Variants in FGF14 observed in about 807,000 individuals in gnomAD.
FGF14 encodes the protein fibroblast growth factor homologous factor 4.
In FGF14, 5 loss-of-function variants were observed where a neutral mutation model predicts 25.5. That is an observed-to-expected ratio of 0.20 (90% CI 0.10 to 0.41). FGF14 has a LOEUF of 0.41. Among genes scored for constraint, FGF14 ranks in the 10% least tolerant of loss-of-function variants. The pLI, the probability that FGF14 is intolerant of heterozygous loss-of-function variation, is 1.00. For synonymous variants in FGF14, 138 were observed against 118.3 expected (o/e 1.17, Z -1.08); for missense variants, 222 against 320.1 (o/e 0.69, Z 2.34).
At chr13:101,889,259 C>T (rs1353537458) in intron 1 of FGF14, among the ~76,000 whole-genome samples, 2 of 152,140 alleles carry the variant, frequency 1.3e-5, no homozygotes, top group African/African-American at 4.8e-5. Context: ...GTTCAACTGC[C>T]ACGTTCACCG....
intron 1 of FGF14, among the ~76,000 whole-genome samples, chr13:102,315,744 A>T (rs759751778): frequency 6.6e-6 from 1 of 152,196 alleles, no homozygotes; most frequent in Non-Finnish European, 1.5e-5. Flanking sequence ...TGTGTACCTT[A>T]GGGAGAACCC....
chr13:101,900,830 T>A (rs1456054809), intron 1 of FGF14, among the ~76,000 whole-genome samples: 2 of 152,300 alleles, frequency 1.3e-5, no homozygotes, highest in Non-Finnish European at 2.9e-5. Context: ...GCATGTTATA[T>A]CTCAATAATA....
chr13:102,112,311 G>C (rs1031540109), intron 1 of FGF14, among the ~76,000 whole-genome samples: 3 of 152,136 alleles, frequency 2.0e-5, no homozygotes, highest in African/African-American at 7.2e-5. Context: ...ATGAATCTAC[G>C]CAGGTGGGGC....
At chr13:101,769,992 A>G (rs955627982) in intron 3 of FGF14, among the ~76,000 whole-genome samples, 1 of 152,114 alleles carries the variant, frequency 6.6e-6, no homozygotes, top group Non-Finnish European at 1.5e-5. Flanking sequence ...AGGTTCATCA[A>G]TTGTCACAAA....
chr13:101,915,810 C>G (rs149690391), intron 1 of FGF14, among the ~76,000 whole-genome samples: 12 of 152,316 alleles, frequency 7.9e-5, no homozygotes, highest in Non-Finnish European at 1.8e-4. Flanking sequence ...CTTTAGACTC[C>G]CTGAGCCTCT....
intron 1 of FGF14, among the ~76,000 whole-genome samples, chr13:102,090,786 C>G (rs2044129622): frequency 6.6e-6 from 1 of 152,202 alleles, no homozygotes; most frequent in Non-Finnish European, 1.5e-5. Context: ...GAGATGCCTT[C>G]CTCAATGAAG....
At chr13:102,189,092 G>A (rs2049022652) in intron 1 of FGF14, among the ~76,000 whole-genome samples, 1 of 150,764 alleles carries the variant, frequency 6.6e-6, no homozygotes, top group Admixed American at 6.6e-5. Context: ...GAGAAAGAGA[G>A]AAAGGAGGGA....
At chr13:102,281,114 G>C (rs1200359404) in intron 1 of FGF14, among the ~76,000 whole-genome samples, 1 of 151,984 alleles carries the variant, frequency 6.6e-6, no homozygotes, top group Non-Finnish European at 1.5e-5. Flanking sequence ...TTTTCACAAG[G>C]CCAAACATAA....
At chr13:101,874,685 T>G (rs2045297265) in intron 2 of FGF14, among the ~76,000 whole-genome samples, 1 of 152,144 alleles carries the variant, frequency 6.6e-6, no homozygotes, top group South Asian at 2.1e-4. Context: ...ACACAACCTT[T>G]ATGTTTTTTT....
chr13:102,142,355 C>T (rs968026217), intron 1 of FGF14, among the ~76,000 whole-genome samples: 1 of 151,760 alleles, frequency 6.6e-6, no homozygotes, highest in African/African-American at 2.4e-5. Flanking sequence ...GAGTCATGCT[C>T]GCAGAATACC....
At chr13:102,053,739 T>TA (rs1225978254) in intron 1 of FGF14, among the ~76,000 whole-genome samples, 1 of 152,114 alleles carries the variant, frequency 6.6e-6, no homozygotes, top group African/African-American at 2.4e-5. Context: ...CCAGAGAAGT[T>TA]AATAAACACA....
intron 1 of FGF14, among the ~76,000 whole-genome samples, chr13:102,137,521 C>T (rs1384348915): frequency 3.9e-5 from 6 of 152,064 alleles, no homozygotes; most frequent in African/African-American, 1.4e-4. Context: ...ATGAGGAATC[C>T]CTACAAAGAA....
At chr13:101,987,226 G>A (rs2139649607) in intron 1 of FGF14, among the ~76,000 whole-genome samples, 1 of 151,774 alleles carries the variant, frequency 6.6e-6, no homozygotes, top group East Asian at 1.9e-4. Flanking sequence ...CCCACTCCAG[G>A]AAAAAAAGGT....
intron 1 of FGF14, among the ~76,000 whole-genome samples, chr13:102,363,543 C>T (rs370486437): frequency 9.8e-5 from 15 of 152,288 alleles, no homozygotes; most frequent in African/African-American, 3.6e-4. Context: ...CTATGTGTTC[C>T]AGTACACCAC....
chr13:102,125,476 G>A (rs767740788), intron 1 of FGF14, among the ~76,000 whole-genome samples: 4 of 152,102 alleles, frequency 2.6e-5, no homozygotes, highest in Non-Finnish European at 5.9e-5. Flanking sequence ...TTCACCTACT[G>A]TTGTATAAAA....
intron 3 of FGF14, among the ~76,000 whole-genome samples, chr13:101,749,133 T>C (rs866819419): frequency 1.3e-5 from 2 of 152,182 alleles, no homozygotes; most frequent in Middle Eastern, 3.4e-3. Context: ...CAAATTAGAA[T>C]TGCGGTTGCC....
intron 1 of FGF14, among the ~76,000 whole-genome samples, chr13:102,316,457 A>G (rs769702866): frequency 2.0e-5 from 3 of 152,230 alleles, no homozygotes; most frequent in Admixed American, 6.5e-5. Flanking sequence ...ATTATTATCA[A>G]TTAAAAATAA....
chr13:102,149,898 TA>T (rs1031180929), intron 1 of FGF14, among the ~76,000 whole-genome samples: 1 of 152,230 alleles, frequency 6.6e-6, no homozygotes, highest in African/African-American at 2.4e-5. Context: ...GCCCCTGTTC[TA>T]AAGCCTCTAC....
At position 102,058,694 on chromosome 13, in the gene FGF14, T is replaced by C. The variant is rs569067820; in HGVS notation, c.209-183398A>G. The stretch of plus-strand genomic sequence containing the variant: ...CAAAATAAGATAATGCAATACCTAG[T>C]TTGTAATTTTCTCTTCAGTTAAGAT... On this transcript the variant is annotated intron_variant, in intron 1 of 4. Coordinates refer to the FGF14 transcript ENST00000376131. 1.8e-4 allele frequency among the ~76,000 whole-genome samples: 28 copies of C among 152,304 alleles called. No homozygotes were observed. The South Asian group carries it at 5.8e-3, about 32-fold the overall frequency.
Sources: gnomAD v4.1 joint callset for allele counts (sites outside exome capture counted in the v4.1 genomes callset) on GRCh38, gnomAD v4.1.1 for gene constraint, MANE v1.5 for transcripts, NCBI Gene and HGNC (gene_info 2026-07-23, HGNC 2026-07-21) for gene names.